Variants in ARID1B observed in about 807,000 individuals in gnomAD.
ARID1B encodes AT-rich interactive domain-containing protein 1B.
A neutral mutation model predicts 212.3 loss-of-function variants in ARID1B; 30 were observed. That is an observed-to-expected ratio of 0.14 (90% CI 0.11 to 0.19). ARID1B has a LOEUF of 0.19. Ranked by LOEUF, ARID1B falls within the 10% of genes least tolerant of loss-of-function variation. The pLI is 1.00. For missense variants in ARID1B, 2,891 were observed against 3,204.0 expected, an observed-to-expected ratio of 0.90 and a Z score of 2.36; for synonymous variants, 1,402 against 1,301.7, an observed-to-expected ratio of 1.08 and a Z score of -1.66.
chr6:156,806,010 T>C (rs899039535), intron 1 of ARID1B, among the ~76,000 whole-genome samples: 13 of 152,148 alleles, frequency 8.5e-5, no homozygotes, highest in African/African-American at 2.9e-4. Context: ...GTAATGTGAG[T>C]TCCCCCTCAC....
upstream of ARID1B, chr6:156,776,862 T>G (rs1371511364): frequency 1.3e-5 from 2 of 152,256 alleles, no homozygotes; most frequent in Non-Finnish European, 2.9e-5. Flanking sequence ...AATTTTGCAG[T>G]TGGAAGAAGT....
At position 156,778,960 on chromosome 6, in the gene ARID1B, C is replaced by T. The variant is rs530780611; in HGVS notation, c.1280C>T (p.Ala427Val). ...AGAGAVAAAA[A>V]AAAAAAGGGG... ...GCGGGAGCTGTGGCGGCGGCGGCCG[C>T]GGCGGCGGCGGCAGCAGCAGGAGGC... The change falls in exon 1 of 20, where the codon GCG (alanine) becomes GTG (valine). Residue 427 changes from alanine (A) to valine (V), a missense_variant. Around this residue, in one of 7 missense-constraint regions of ARID1B, gnomAD observed 1,643 missense variants for 1,544.0 expected, o/e 1.06. Coordinates refer to ENST00000636930, the MANE Select transcript of ARID1B (RefSeq NM_001374828.1). 7.4e-4 allele frequency: 943 copies of T among 1,267,526 alleles called. No homozygotes were observed. The highest frequency in any genetic ancestry group is 2.0e-3 in the Admixed American group (47 of 23,476). 78.5% of individuals were successfully genotyped at this position (1,267,526 alleles called of 1,614,324 possible). A position where few individuals can be genotyped will look rare whatever the true frequency, so the allele number is the denominator to read the frequency against.
intron 4 of ARID1B, among the ~76,000 whole-genome samples, chr6:156,972,964 T>C (rs1171002773): frequency 1.3e-5 from 2 of 152,238 alleles, no homozygotes; most frequent in Non-Finnish European, 2.9e-5. Context: ...AATAGTGCTG[T>C]TGAGGATAGT....
In ARID1B at chr6:156,777,743, C is replaced by A; in HGVS notation, c.63C>A (p.Gly21=). 2 of 333,988 alleles carry A rather than the reference C, an allele frequency of 6.0e-6. No individual in the cohort carries two copies. Among genetic ancestry groups the A allele is most frequent in the Non-Finnish European group, 8.4e-6 (2 of 239,050 alleles). The allele number at this position is 333,988 out of a possible 1,614,324, so 20.7% of individuals were successfully genotyped here. The change falls in exon 1 of 20, where the codon GGC becomes GGA. Residue 21 remains glycine, a synonymous_variant. Coordinates refer to ENST00000636930, the MANE Select transcript of ARID1B (RefSeq NM_001374828.1). ...AAAARARARA[G]SGERRAPPGP... Reference sequence around the variant, plus strand: ...CGGCGCGGGCGCGGGCGCGGGCAGGCAGCGGCGAACGGCGGGCGCCCCCCG... The same window carrying A: ...CGGCGCGGGCGCGGGCGCGGGCAGGAAGCGGCGAACGGCGGGCGCCCCCCG...
intron 2 of ARID1B, among the ~76,000 whole-genome samples, chr6:156,830,511 A>G (rs982453961): frequency 8.5e-5 from 13 of 152,234 alleles, no homozygotes; most frequent in African/African-American, 3.1e-4. Context: ...GTTCATCAGT[A>G]GGTTGCTTCT....
chr6:157,041,935 C>T (rs1480805533), intron 4 of ARID1B, among the ~76,000 whole-genome samples: 1 of 152,204 alleles, frequency 6.6e-6, no homozygotes, highest in African/African-American at 2.4e-5. Flanking sequence ...GTGCCTGCCT[C>T]CTTGCGCATT....
intron 3 of ARID1B, among the ~76,000 whole-genome samples, chr6:156,923,040 T>C (rs1047209138): frequency 1.3e-5 from 2 of 152,196 alleles, no homozygotes; most frequent in African/African-American, 4.8e-5. Context: ...TGCAGGGCCA[T>C]GTCATTGAAA....
chr6:157,007,729 T>G (rs374862306), intron 4 of ARID1B, among the ~76,000 whole-genome samples: 13 of 134,342 alleles, frequency 9.7e-5, no homozygotes, highest in Non-Finnish European at 1.0e-4. Flanking sequence ...CTAAGTTGTT[T>G]TTTTTTTTTT....
intron 15 of ARID1B, among the ~76,000 whole-genome samples, chr6:157,191,251 G>A (rs1459352134): frequency 2.0e-5 from 3 of 151,966 alleles, no homozygotes; most frequent in Non-Finnish European, 4.4e-5. Context: ...GGAACCCGCC[G>A]GCAGAGTGTA....
Position 156,815,922 on chromosome 6 carries a change from A to G in ARID1B, c.1792-13305A>G, listed in dbSNP as rs369361218. On this transcript the variant is annotated intron_variant, in intron 1 of 19. Transcript: ENST00000636930. ...TGTTTTCCTGTGTTCTGCTTTAAAA[A>G]ACATTGCCCAGGCAGGTTTGAGTTC... Among the ~76,000 whole-genome samples the G allele has an allele frequency of 5.3e-5, 8 of 152,336 alleles. No individual in the cohort carries two copies. In the South Asian group the frequency reaches 1.2e-3, roughly 24 times the overall value.
chr6:157,197,173 G>A (rs1377483174), intron 16 of ARID1B, among the ~76,000 whole-genome samples: 1 of 152,232 alleles, frequency 6.6e-6, no homozygotes, highest in South Asian at 2.1e-4. Context: ...TAAGAGACAT[G>A]ATGATAAGCA....
At chr6:157,130,430 C>T (rs1788469274) in intron 6 of ARID1B, among the ~76,000 whole-genome samples, 1 of 152,182 alleles carries the variant, frequency 6.6e-6, no homozygotes, top group South Asian at 2.1e-4. Flanking sequence ...ATAAATATTT[C>T]ATGTAACATC....
chr6:156,966,241 G>T (rs551494938), intron 4 of ARID1B, among the ~76,000 whole-genome samples: 2 of 151,882 alleles, frequency 1.3e-5, no homozygotes, highest in African/African-American at 4.8e-5. Flanking sequence ...ATGGTATATC[G>T]CAGTCCTCAT....
intron 2 of ARID1B, among the ~76,000 whole-genome samples, chr6:156,834,660 A>G (rs556483092): frequency 1.3e-4 from 20 of 152,354 alleles, no homozygotes; most frequent in African/African-American, 4.8e-4. Flanking sequence ...CAGCATTTTC[A>G]TACATTCGTG....
At chr6:157,184,686 C>T in intron 13 of ARID1B, 1 of 562,970 alleles carries the variant, frequency 1.8e-6, no homozygotes, top group Admixed American at 3.1e-5. Flanking sequence ...TTACCTTAAT[C>T]AAAACAGGCT....
chr6:156,970,659 T>A (rs1776864155), intron 4 of ARID1B, among the ~76,000 whole-genome samples: 1 of 152,242 alleles, frequency 6.6e-6, no homozygotes, highest in Admixed American at 6.5e-5. Context: ...ATAGAGCAAC[T>A]GTCTGTGGGT....
In ARID1B at chr6:156,925,792, A is replaced by G. The variant is rs1181886910; in HGVS notation, c.2137-9674A>G. ...GGACTGGGAAAAATTGAAGGGATTT[A>G]GTAGTCTTCTGAACAGATAATGAAC... On this transcript the variant is annotated intron_variant, in intron 3 of 19. Transcript: ENST00000636930. 2.0e-5 allele frequency among the ~76,000 whole-genome samples: 3 copies of G among 152,330 alleles called. No homozygotes were observed. The East Asian group carries it at 5.8e-4, about 29-fold the overall frequency.
At chr6:156,812,122 T>C (rs940600255) in intron 1 of ARID1B, among the ~76,000 whole-genome samples, 5 of 152,340 alleles carry the variant, frequency 3.3e-5, no homozygotes, top group African/African-American at 1.2e-4. Flanking sequence ...TGCCTTGATA[T>C]TTCTGCATCT....
At position 157,039,322 on chromosome 6, in the gene ARID1B, C is replaced by CTTTCTTTTTTTTTTTTTTTTT. The variant is rs1781547108; in HGVS notation, c.2248-45337_2248-45336insCTTTTTTTTTTTTTTTTTTTT. On this transcript the variant is annotated intron_variant, in intron 4 of 19. Coordinates refer to ENST00000636930, the MANE Select transcript of ARID1B (RefSeq NM_001374828.1). ...ATTAAAAATGGGAAATTTGACATTT[C>CTTTCTTTTTTTTTTTTTTTTT]TTTTTTTTTTTTTTTTTTTGAGACG... Among the ~76,000 whole-genome samples the CTTTCTTTTTTTTTTTTTTTTT allele has an allele frequency of 1.1e-4, 11 of 102,980 alleles. 1 individual carries two copies. Among genetic ancestry groups the CTTTCTTTTTTTTTTTTTTTTT allele is most frequent in the Non-Finnish European group, 2.0e-4 (10 of 50,948 alleles). 67.6% of individuals were successfully genotyped at this position (102,980 alleles called of 152,430 possible).
Sources: gnomAD v4.1 joint callset for allele counts (sites outside exome capture counted in the v4.1 genomes callset) on GRCh38, gnomAD v4.1.1 for gene constraint, gnomAD v4.1.1 regional missense constraint, MANE v1.5 for transcripts, NCBI Gene and HGNC (gene_info 2026-07-23, HGNC 2026-07-21) for gene names.